Variants in MMP26 observed in about 807,000 individuals in gnomAD.
MMP26 encodes the protein matrix metalloproteinase-26.
A neutral mutation model predicts 31.0 loss-of-function variants in MMP26; 33 were observed. That is an observed-to-expected ratio of 1.06 (90% CI 0.81 to 1.42). The LOEUF (loss-of-function observed/expected upper bound fraction) is 1.42, where lower values mean the gene tolerates loss of function less well. Among genes scored for constraint, MMP26 ranks in the 40% most tolerant of loss-of-function variants. MMP26 has a pLI of 0.00. For missense variants in MMP26, 347 were observed against 316.1 expected (o/e 1.10, Z -0.74); for synonymous variants, 122 against 114.9 (o/e 1.06, Z -0.40).
At chr11:4,853,291 G>A (rs113742594) in intron 2 of MMP26, among the ~76,000 whole-genome samples, 204 of 152,170 alleles carry the variant, frequency 1.3e-3, no homozygotes, top group African/African-American at 4.6e-3. Context: ...TGGCTTGATT[G>A]TGGTCAACAT....
At chr11:4,808,691 C>T (rs1849310416) in intron 2 of MMP26, among the ~76,000 whole-genome samples, 1 of 151,886 alleles carries the variant, frequency 6.6e-6, no homozygotes, top group Non-Finnish European at 1.5e-5. Flanking sequence ...CAGAGCTTCC[C>T]CATGAAGTTA....
intron 2 of MMP26, among the ~76,000 whole-genome samples, chr11:4,784,758 A>G (rs552670728): frequency 1.3e-5 from 2 of 152,174 alleles, no homozygotes; most frequent in Non-Finnish European, 2.9e-5. Context: ...GTAATTTGTC[A>G]TGGAAATTCT....
chr11:4,962,182 G>A (rs1846530779), intron 2 of MMP26, among the ~76,000 whole-genome samples: 1 of 152,056 alleles, frequency 6.6e-6, no homozygotes, highest in Admixed American at 6.6e-5. Context: ...TAACATTGCT[G>A]TTTTGTCTCC....
intron 2 of MMP26, among the ~76,000 whole-genome samples, chr11:4,823,819 A>G (rs1849544688): frequency 6.6e-6 from 1 of 152,172 alleles, no homozygotes; most frequent in African/African-American, 2.4e-5. Context: ...GCATCTGAAG[A>G]ATAACCACAA....
chr11:4,748,045 A>G (rs560828413), intron 1 of MMP26, among the ~76,000 whole-genome samples: 1 of 152,148 alleles, frequency 6.6e-6, no homozygotes, highest in African/African-American at 2.4e-5. Context: ...CTGATAGACA[A>G]CTAGCTAGAC....
rs556809604 is a variant in MMP26 at position 4,836,784 on chromosome 11, C to T, written c.-145+69443C>T. ...AAGCGATTTTCCTGCCTCAGCCTCC[C>T]GAGTAGCTGGGACTACAGGTGTGCA... is the stretch of plus-strand genomic sequence containing the variant. On this transcript the variant is annotated intron_variant, in intron 2 of 7. Coordinates refer to ENST00000380390, the MANE Select transcript of MMP26 (RefSeq NM_021801.5). Among the ~76,000 whole-genome samples, 13 of 150,830 alleles carry T rather than the reference C, an allele frequency of 8.6e-5. No homozygotes were observed. In the East Asian group the frequency reaches 9.8e-4, roughly 11 times the overall value.
At chr11:4,945,140 A>G (rs2133604903) in intron 2 of MMP26, 1 of 152,304 alleles carries the variant, frequency 6.6e-6, no homozygotes, top group Admixed American at 6.5e-5. Flanking sequence ...GCAATGAAAG[A>G]GACAAAAGAT....
At chr11:4,900,613 G>C (rs894176632) in intron 2 of MMP26, among the ~76,000 whole-genome samples, 5 of 152,102 alleles carry the variant, frequency 3.3e-5, no homozygotes, top group African/African-American at 1.2e-4. Flanking sequence ...TAAATTGTCA[G>C]GTCCACTCAG....
chr11:4,724,802 A>AAC (rs1417793046), intron 1 of MMP26, among the ~76,000 whole-genome samples: 4 of 152,250 alleles, frequency 2.6e-5, no homozygotes, highest in Non-Finnish European at 5.9e-5. Flanking sequence ...GCTAAATTCC[A>AAC]AAGTGAGTTG....
chr11:4,786,039 A>T (rs1158639697), intron 2 of MMP26, among the ~76,000 whole-genome samples: 1 of 152,078 alleles, frequency 6.6e-6, no homozygotes, highest in East Asian at 1.9e-4. Flanking sequence ...TCCAATCTTG[A>T]TGGACCTGGG....
intron 2 of MMP26, among the ~76,000 whole-genome samples, chr11:4,868,910 A>G (rs1589924580): frequency 6.6e-6 from 1 of 152,076 alleles, no homozygotes; most frequent in Admixed American, 6.6e-5. Flanking sequence ...CAGAAATAAT[A>G]CCACACATCT....
intron 2 of MMP26, chr11:4,882,508 T>TA: frequency 6.2e-7 from 1 of 1,613,992 alleles, no homozygotes; most frequent in Non-Finnish European, 8.5e-7. Flanking sequence ...GGGGACTGTT[T>TA]CTTCAGCTCT....
intron 2 of MMP26, among the ~76,000 whole-genome samples, chr11:4,926,169 TAAC>T (rs146057517): frequency 0.22 from 33,164 of 151,706 alleles, 3,972 homozygotes; most frequent in Admixed American, 0.33. Flanking sequence ...AATAAAATAA[TAAC>T]AATTTAATAT....
At chr11:4,731,722 G>C (rs542216197) in intron 1 of MMP26, among the ~76,000 whole-genome samples, 1 of 152,216 alleles carries the variant, frequency 6.6e-6, no homozygotes, top group Non-Finnish European at 1.5e-5. Context: ...GCATGCACAT[G>C]TGTGGGTTCA....
At chr11:4,871,502 T>C (rs1423180626) in intron 2 of MMP26, among the ~76,000 whole-genome samples, 2 of 152,078 alleles carry the variant, frequency 1.3e-5, no homozygotes, top group African/African-American at 4.8e-5. Context: ...GTTGCTACCA[T>C]AGATCTGTAT....
At chr11:4,793,528 A>G (rs1849060823) in intron 2 of MMP26, among the ~76,000 whole-genome samples, 1 of 152,224 alleles carries the variant, frequency 6.6e-6, no homozygotes, top group African/African-American at 2.4e-5. Flanking sequence ...GTGTGGAATC[A>G]TGATAAATTA....
intron 2 of MMP26, among the ~76,000 whole-genome samples, chr11:4,798,512 A>G (rs1187819415): frequency 6.6e-6 from 1 of 152,108 alleles, no homozygotes. Flanking sequence ...ACATGCCTCT[A>G]CTCTCCATTG....
At chr11:4,753,032 A>T (rs1027324649) in intron 1 of MMP26, 5 of 152,106 alleles carry the variant, frequency 3.3e-5, no homozygotes, top group Admixed American at 3.3e-4. Context: ...TAAATTTGGA[A>T]TTTTTAAATT....
intron 2 of MMP26, among the ~76,000 whole-genome samples, chr11:4,920,917 T>C (rs1851174223): frequency 1.3e-5 from 2 of 152,214 alleles, no homozygotes; most frequent in Non-Finnish European, 1.5e-5. Flanking sequence ...TCATTACTGA[T>C]AGGTATCAGA....
Sources: allele counts gnomAD v4.1 joint callset (sites outside exome capture counted in the v4.1 genomes callset), GRCh38; gene constraint gnomAD v4.1.1; transcripts MANE v1.5; gene names NCBI Gene and HGNC (gene_info 2026-07-23, HGNC 2026-07-21).